CNTNAP2: variants seen among roughly 807,000 people sequenced by gnomAD.
CNTNAP2 encodes contactin-associated protein-like 2.
Under a neutral mutation model 155.2 loss-of-function variants are expected in CNTNAP2, and 98 were observed. The observed-to-expected ratio is 0.63, with a 90% CI of 0.54 to 0.75. The LOEUF is 0.75. CNTNAP2 is among the 30% of genes least tolerant of loss of function. The pLI is 0.00. For missense variants in CNTNAP2, 1,727 were observed against 1,688.1 expected (o/e 1.02, Z -0.40); for synonymous variants, 651 against 631.2 (o/e 1.03, Z -0.47).
intron 13 of CNTNAP2, among the ~76,000 whole-genome samples, chr7:147,864,311 T>C (rs1386930310): frequency 6.6e-6 from 1 of 152,226 alleles, no homozygotes; most frequent in Non-Finnish European, 1.5e-5. Flanking sequence ...ACCAATACCA[T>C]GCTGTTTTGG....
At chr7:146,448,551 A>G (rs915359813) in intron 1 of CNTNAP2, among the ~76,000 whole-genome samples, 30 of 151,380 alleles carry the variant, frequency 2.0e-4, no homozygotes, top group African/African-American at 7.0e-4. Context: ...GGTACATGTG[A>G]ATATAGGATT....
chr7:147,812,865 C>T (rs1798203626), intron 13 of CNTNAP2, among the ~76,000 whole-genome samples: 1 of 152,142 alleles, frequency 6.6e-6, no homozygotes, highest in African/African-American at 2.4e-5. Flanking sequence ...TCAAGGTGCT[C>T]TGCTGGTGTA....
chr7:147,503,082 C>G (rs535133190), intron 11 of CNTNAP2, among the ~76,000 whole-genome samples: 80 of 152,264 alleles, frequency 5.3e-4, no homozygotes, highest in African/African-American at 1.3e-3. Context: ...AATTTATTCT[C>G]TCACAGATTT....
chr7:146,213,146 A>C (rs902247969), intron 1 of CNTNAP2, among the ~76,000 whole-genome samples: 2 of 152,306 alleles, frequency 1.3e-5, no homozygotes, highest in African/African-American at 4.8e-5. Context: ...GATTAATTTC[A>C]TTTCAGCAGA....
At chr7:146,223,555 A>G (rs970770798) in intron 1 of CNTNAP2, among the ~76,000 whole-genome samples, 20 of 152,074 alleles carry the variant, frequency 1.3e-4, no homozygotes, top group Admixed American at 3.9e-4. Context: ...TCCTTAGTGA[A>G]CCTCCATAGG....
chr7:147,419,818 A>T (rs1409305628), intron 10 of CNTNAP2, among the ~76,000 whole-genome samples: 1 of 152,188 alleles, frequency 6.6e-6, no homozygotes, highest in Non-Finnish European at 1.5e-5. Flanking sequence ...AGTCTGCAGG[A>T]TGTATTCAGA....
At chr7:146,930,737 G>A (rs1796732399) in intron 3 of CNTNAP2, among the ~76,000 whole-genome samples, 2 of 152,102 alleles carry the variant, frequency 1.3e-5, no homozygotes, top group African/African-American at 2.4e-5. Flanking sequence ...AAGGATGGAG[G>A]AAGATCTACC....
intron 3 of CNTNAP2, among the ~76,000 whole-genome samples, chr7:146,878,658 T>G (rs78661671): frequency 6.6e-6 from 1 of 152,130 alleles, no homozygotes; most frequent in East Asian, 1.9e-4. Flanking sequence ...TGACAGCGCC[T>G]GTTTCTCTGA....
intron 21 of CNTNAP2, among the ~76,000 whole-genome samples, chr7:148,276,767 G>A (rs1796877257): frequency 6.6e-6 from 1 of 152,250 alleles, no homozygotes; most frequent in African/African-American, 2.4e-5. Context: ...AATACCATCT[G>A]CAGAGTGCAA....
intron 10 of CNTNAP2, among the ~76,000 whole-genome samples, chr7:147,460,970 GAGA>G (rs928592467): frequency 3.3e-5 from 5 of 152,126 alleles, no homozygotes; most frequent in East Asian, 1.9e-4. Context: ...TTTTTTGGTG[GAGA>G]AGAAGTTGTG....
intron 13 of CNTNAP2, among the ~76,000 whole-genome samples, chr7:147,693,273 A>G (rs1387493027): frequency 6.6e-6 from 1 of 152,068 alleles, no homozygotes; most frequent in Non-Finnish European, 1.5e-5. Flanking sequence ...TTAAACTTGG[A>G]TAGTGTCAGT....
chr7:146,997,252 C>A (rs1482183919), intron 3 of CNTNAP2, among the ~76,000 whole-genome samples: 2 of 152,076 alleles, frequency 1.3e-5, no homozygotes, highest in East Asian at 3.9e-4. Flanking sequence ...TTGTCTATAC[C>A]TAATTCATGG....
chr7:147,169,356 A>G (rs1802181651), intron 8 of CNTNAP2, among the ~76,000 whole-genome samples: 1 of 152,124 alleles, frequency 6.6e-6, no homozygotes, highest in Non-Finnish European at 1.5e-5. Context: ...GATGCTGAGG[A>G]TTGCAGTATG....
chr7:146,296,927 T>G (rs922673539), intron 1 of CNTNAP2, among the ~76,000 whole-genome samples: 1 of 151,992 alleles, frequency 6.6e-6, no homozygotes, highest in Admixed American at 6.6e-5. Flanking sequence ...AGTACTGAGT[T>G]ATTTTGTATA....
At chr7:147,404,336 G>C (rs1300652491) in intron 10 of CNTNAP2, among the ~76,000 whole-genome samples, 3 of 152,188 alleles carry the variant, frequency 2.0e-5, no homozygotes, top group Non-Finnish European at 4.4e-5. Flanking sequence ...TTTCCTTTTA[G>C]AGACTGTGCT....
intron 12 of CNTNAP2, among the ~76,000 whole-genome samples, chr7:147,596,237 T>G (rs1800825087): frequency 6.6e-6 from 1 of 152,212 alleles, no homozygotes; most frequent in South Asian, 2.1e-4. Flanking sequence ...TTCTCTCCTT[T>G]TCTTTTTCTC....
intron 13 of CNTNAP2, among the ~76,000 whole-genome samples, chr7:147,703,382 T>C (rs548781498): frequency 7.2e-5 from 11 of 152,322 alleles, no homozygotes; most frequent in African/African-American, 2.6e-4. Flanking sequence ...TTTTATTTCT[T>C]CTTCAAGCAT....
chr7:146,123,955 G>A (rs963649142), intron 1 of CNTNAP2, among the ~76,000 whole-genome samples: 6 of 152,044 alleles, frequency 3.9e-5, no homozygotes, highest in African/African-American at 1.2e-4. Flanking sequence ...GCATGGACAC[G>A]GATGAAGCTG....
intron 14 of CNTNAP2, among the ~76,000 whole-genome samples, chr7:147,973,153 C>T (rs1231012036): frequency 2.0e-5 from 1 of 51,140 alleles, no homozygotes. Context: ...GACCCTGTCT[C>T]TAAAATTAAA....
Sources: allele counts gnomAD v4.1 joint callset (sites outside exome capture counted in the v4.1 genomes callset), GRCh38; gene constraint gnomAD v4.1.1; transcripts MANE v1.5; gene names NCBI Gene and HGNC (gene_info 2026-07-23, HGNC 2026-07-21).